Variants in ABCC3 observed in about 807,000 individuals in gnomAD.
ABCC3 encodes ATP-binding cassette sub-family C member 3.
Under a neutral mutation model 165.3 loss-of-function variants are expected in ABCC3, and 121 were observed. That is an observed-to-expected ratio of 0.73 (90% confidence interval 0.63 to 0.85). The LOEUF (loss-of-function observed/expected upper bound fraction) is 0.85. Among genes scored for constraint, ABCC3 ranks in the 40% least tolerant of loss-of-function variants. ABCC3 has a pLI of 0.00. For missense variants in ABCC3, 1,869 were observed against 1,964.1 expected (o/e 0.95, Z 0.92); for synonymous variants, 733 against 810.1 (o/e 0.90, Z 1.62).
chr17:50,657,118 T>C lies in ABCC3; in HGVS notation c.421T>C (p.Trp141Arg). ...GTCTTCGGGGGTCCTCATTATCTTC[T>C]GGTTCCTGTGTGTGGTCTGCGCCAT... ...VQSSGVLIIF[W>R]FLCVVCAIVP... is the part of the protein sequence containing the mutation. The change falls in exon 4 of 31, where the codon TGG (tryptophan) becomes CGG (arginine). Residue 141 changes from tryptophan to arginine, a missense_variant. Trp to Arg is a moderately radical substitution (Grantham distance 101). Coordinates refer to ENST00000285238, the MANE Select transcript of ABCC3 (RefSeq NM_003786.4). The C allele has an allele frequency of 6.2e-7, 1 of 1,614,172 alleles. No homozygotes were observed. Among genetic ancestry groups the C allele is most frequent in the Non-Finnish European group, 8.5e-7 (1 of 1,180,024 alleles).
intron 22 of ABCC3, 84 bp downstream of exon 22, chr17:50,676,174 C>T: frequency 6.3e-7 from 1 of 1,593,730 alleles, no homozygotes; most frequent in Non-Finnish European, 8.6e-7. Context: ...GCCCTTGCAT[C>T]CAAGCCTCCC....
At chr17:50,652,290 C>T (rs1355907033) in intron 1 of ABCC3, among the ~76,000 whole-genome samples, 2 of 152,184 alleles carry the variant, frequency 1.3e-5, no homozygotes, top group Non-Finnish European at 2.9e-5. Flanking sequence ...TATAAAACTC[C>T]TGAATTTATT....
intron 30 of ABCC3, 135 bp from the exon 31 acceptor site, chr17:50,690,957 A>T (rs1968112826): frequency 1.6e-6 from 1 of 638,520 alleles, no homozygotes; most frequent in East Asian, 2.8e-5. Flanking sequence ...AAGTGTGCAC[A>T]TGTGGTGCGG....
chr17:50,656,646 G>A (rs1403997296), intron 2 of ABCC3, 56 bp from the exon 3 acceptor site: 2 of 1,557,836 alleles, frequency 1.3e-6, no homozygotes, highest in African/African-American at 1.4e-5. Flanking sequence ...CCCCTTCCCA[G>A]TGAGGACTGT....
chr17:50,661,590 G>A (rs1967389402), intron 8 of ABCC3, among the ~76,000 whole-genome samples: 1 of 152,232 alleles, frequency 6.6e-6, no homozygotes, highest in Non-Finnish European at 1.5e-5. Context: ...TCAAATGAGA[G>A]GGTGGGAAGG....
At chr17:50,665,338 C>T (rs187736912) in intron 11 of ABCC3, 93 bp downstream of exon 11, 5 of 1,130,974 alleles carry the variant, frequency 4.4e-6, no homozygotes, top group South Asian at 1.3e-5. Flanking sequence ...TCCCAACTAC[C>T]TTGCTTCCTG....
At position 50,676,305 on chromosome 17, in the gene ABCC3, C is replaced by A; in HGVS notation, c.3095C>A (p.Ala1032Asp). 4 of 1,613,480 alleles carry A rather than the reference C, an allele frequency of 2.5e-6. No individual in the cohort carries two copies. In the South Asian group the frequency reaches 3.3e-5, roughly 13 times the overall value. The part of the protein sequence containing the change: ...QGFLVMLAAM[A>D]MAAGGIQAAR... ...TTCTTGGTGATGCTGGCAGCCATGG[C>A]CATGGCAGCGGGTGGCATCCAGGCT... Residue 1032 changes from alanine to aspartate, a missense_variant, in exon 23 of 31, where the codon GCC becomes GAC. Ala to Asp is a moderately radical substitution (Grantham distance 126, BLOSUM62 -2). Coordinates refer to ENST00000285238, the MANE Select transcript of ABCC3 (RefSeq NM_003786.4).
In ABCC3 at chr17:50,663,803, T is replaced by G. The variant is rs1324853065; in HGVS notation, c.1121T>G (p.Ile374Ser). ...SLILQHYYHY[I>S]FVTGVKFRTG... ...ATCTTACAACACTATTACCACTACA[T>G]CTTTGTGACTGGGGTGAAGTTTCGT... The change falls in exon 9 of 31, where the codon ATC (isoleucine) becomes AGC (serine). Residue 374 changes from isoleucine (I) to serine (S), a missense_variant. Coordinates refer to ENST00000285238, the MANE Select transcript of ABCC3 (RefSeq NM_003786.4). 6.2e-7 allele frequency: 1 copy of G among 1,613,952 alleles called. No individual in the cohort carries two copies. Among genetic ancestry groups the G allele is most frequent in the Non-Finnish European group, 8.5e-7 (1 of 1,180,012 alleles).
rs532254847 is a variant in ABCC3 at position 50,686,935 on chromosome 17, G to A, written c.4281-601G>A. On this transcript the variant is annotated intron_variant, in intron 29 of 30. Transcript: ENST00000285238. ...CTGGTTGGGAACACAGCCTCGTTTTGTCTGCTGGCTCTGGCTTCCAGAGCA... is the reference window on the plus strand; with the variant it reads ...CTGGTTGGGAACACAGCCTCGTTTTATCTGCTGGCTCTGGCTTCCAGAGCA... 1.5e-4 allele frequency among the ~76,000 whole-genome samples: 23 copies of A among 152,274 alleles called. 1 individual carries two copies. Among genetic ancestry groups the A allele is most frequent in the Middle Eastern group, 6.8e-3 (2 of 294 alleles).
intron 1 of ABCC3, among the ~76,000 whole-genome samples, chr17:50,643,854 G>A (rs1018928245): frequency 2.0e-5 from 3 of 152,118 alleles, no homozygotes; most frequent in African/African-American, 4.8e-5. Flanking sequence ...CATGGGGGGG[G>A]TCTTGAGGAC....
chr17:50,656,025 T>G lies in ABCC3; in HGVS notation c.222+17T>G, dbSNP rs781645516. The G allele has an allele frequency of 6.2e-7, 1 of 1,609,328 alleles. No individual in the cohort carries two copies. The highest frequency in any genetic ancestry group is 2.2e-5 in the East Asian group (1 of 44,786). ...CTCAAGATGGTCAGTGGCTCAGGGA[T>G]CTCCTACCGATGGGGCTGGGCCCTG... On this transcript the variant is annotated intron_variant, in intron 2 of 30. Coordinates refer to ENST00000285238, the MANE Select transcript of ABCC3 (RefSeq NM_003786.4).
In ABCC3 at chr17:50,658,437, C is replaced by T. The variant is rs775225857; in HGVS notation, c.615C>T (p.Asn205=). Residue 205 remains asparagine (N), a splice_region_variant and synonymous_variant, in exon 6 of 31, where the codon AAC becomes AAT. Coordinates refer to ENST00000285238, the MANE Select transcript of ABCC3 (RefSeq NM_003786.4). ...PFFSAKNVDP[N]PYPETSAGFL... Reference sequence around the variant, plus strand: ...CGTCCTATTCTCTCGCCTTCTAGAACCCCTACCCTGAGACCAGCGCTGGCT... The same window carrying T: ...CGTCCTATTCTCTCGCCTTCTAGAATCCCTACCCTGAGACCAGCGCTGGCT... 1.9e-6 allele frequency: 3 copies of T among 1,613,736 alleles called. No individual in the cohort carries two copies. In the African/African-American group the frequency reaches 4.0e-5, roughly 22 times the overall value.
At chr17:50,654,565 G>C (rs1967183001) in intron 1 of ABCC3, among the ~76,000 whole-genome samples, 1 of 152,092 alleles carries the variant, frequency 6.6e-6, no homozygotes, top group Admixed American at 6.6e-5. Context: ...TAGGAGAGTT[G>C]ATCACTCTAG....
chr17:50,676,737 A>T, intron 23 of ABCC3, 149 bp downstream of exon 23: 1 of 771,730 alleles, frequency 1.3e-6, no homozygotes, highest in East Asian at 2.7e-5. Context: ...ATGTTAGGGG[A>T]GCCATTACTT....
chr17:50,668,704 C>A, intron 14 of ABCC3, 149 bp from the exon 15 acceptor site: 2 of 791,842 alleles, frequency 2.5e-6, no homozygotes, highest in Non-Finnish European at 2.1e-6. Flanking sequence ...GGGCTCCCCA[C>A]ATCCCTTTCT....
At chr17:50,659,174 G>A in intron 6 of ABCC3, 63 bp from the exon 7 acceptor site, 1 of 1,588,250 alleles carries the variant, frequency 6.3e-7, no homozygotes, top group Non-Finnish European at 8.6e-7. Context: ...ACTGACCCTT[G>A]GCTCCAGGCT....
Position 50,673,986 on chromosome 17 carries a change from C to CTTTCTTTCTTTCTTTCTTTCTT in ABCC3, c.2599+329_2599+330insTTCTTTCTTTCTTTCTTTCTTT, listed in dbSNP as rs1567835597. 9.7e-4 allele frequency among the ~76,000 whole-genome samples: 11 copies of CTTTCTTTCTTTCTTTCTTTCTT among 11,312 alleles called. 3 individuals are homozygous for CTTTCTTTCTTTCTTTCTTTCTT. The East Asian group carries it at 0.011, about 11-fold the overall frequency. 7.4% of individuals were successfully genotyped at this position (11,312 alleles called of 152,430 possible). A position where few individuals can be genotyped will look rare whatever the true frequency, so the allele number is the denominator to read the frequency against. On this transcript the variant is annotated intron_variant, in intron 19 of 30. Transcript: ENST00000285238. Reference sequence around the variant, plus strand: ...TTTCTTTCTTTCTTTCTTTCTCTCTCTCTCTCTCTCTCTCTCTCTCTCTCT... The same window carrying CTTTCTTTCTTTCTTTCTTTCTT: ...TTTCTTTCTTTCTTTCTTTCTCTCTCTTTCTTTCTTTCTTTCTTTCTTTCTCTCTCTCTCTCTCTCTCTCTCT...
chr17:50,654,627 A>G (rs1374178745), intron 1 of ABCC3, among the ~76,000 whole-genome samples: 1 of 152,116 alleles, frequency 6.6e-6, no homozygotes, highest in Non-Finnish European at 1.5e-5. Flanking sequence ...GTGAGTCTCA[A>G]ATCCACCCAG....
intron 2 of ABCC3, 148 bp downstream of exon 2, chr17:50,656,156 G>C: frequency 1.6e-6 from 1 of 606,476 alleles, no homozygotes; most frequent in Non-Finnish European, 2.3e-6. Flanking sequence ...CATGATCTTG[G>C]CTCACTGCAA....
Sources: gnomAD v4.1 joint callset for allele counts (sites outside exome capture counted in the v4.1 genomes callset) on GRCh38, gnomAD v4.1.1 for gene constraint, MANE v1.5 for transcripts, NCBI Gene and HGNC (gene_info 2026-07-23, HGNC 2026-07-21) for gene names.